AIG1: variants seen among roughly 807,000 people sequenced by gnomAD.
The protein encoded by AIG1 is androgen induced 1, also known as androgen-induced gene 1 protein.
AIG1 carries 23 observed loss-of-function variants against 31.4 expected under a neutral mutation model. The ratio of observed to expected loss-of-function variants is 0.73; its 90% CI spans 0.53 to 1.04. The LOEUF is 1.04. Among genes scored for constraint, AIG1 ranks in the 50% least tolerant of loss-of-function variants. The pLI is 0.00. For missense variants in AIG1, 274 were observed against 295.0 expected (o/e 0.93, Z 0.52); for synonymous variants, 100 against 110.5 (o/e 0.90, Z 0.60).
chr6:143,342,975 G>T, downstream of AIG1: 5 of 990,580 alleles, frequency 5.0e-6, no homozygotes, highest in South Asian at 6.4e-5. Flanking sequence ...GTCAAGAGCA[G>T]TTCATGGCAG....
At chr6:143,091,224 C>G (rs1779279641) in intron 1 of AIG1, among the ~76,000 whole-genome samples, 1 of 152,214 alleles carries the variant, frequency 6.6e-6, no homozygotes, top group African/African-American at 2.4e-5. Flanking sequence ...ATGTCTTGAA[C>G]TCCTCAAAAT....
intron 4 of AIG1, among the ~76,000 whole-genome samples, chr6:143,309,947 A>T (rs1775131205): frequency 6.6e-6 from 1 of 152,002 alleles, no homozygotes; most frequent in Admixed American, 6.6e-5. Flanking sequence ...CCAAGGGGAC[A>T]TAATCTTTAA....
rs1379336669 is a variant in AIG1, at chr6:143,314,331, G to T, written c.516-18951G>T. Among the ~76,000 whole-genome samples, 4 of 151,906 alleles carry T rather than the reference G, an allele frequency of 2.6e-5. No individual in the cohort carries two copies. The East Asian group carries it at 7.7e-4, about 29-fold the overall frequency. ...ATCCTACTACTACACTCCAGCCTGG[G>T]TGACAGAGTGAGATCCTGTAAGAAA... On this transcript the variant is annotated intron_variant, in intron 4 of 5. Coordinates refer to ENST00000357847, the MANE Select transcript of AIG1 (RefSeq NM_016108.4).
chr6:143,239,800 G>C (rs1583595814), intron 3 of AIG1, among the ~76,000 whole-genome samples: 1 of 152,198 alleles, frequency 6.6e-6, no homozygotes, highest in South Asian at 2.1e-4. Context: ...TGGCCTATGT[G>C]TTGGCCACAT....
In AIG1 at chr6:143,333,934, C is replaced by G. The variant is rs1045615185; in HGVS notation, c.679+489C>G. ...AGCTCTATCTAAGCAGTGTGTGATG[C>G]TCCGGCCACCTTGACTCACCAGTGG... is the stretch of plus-strand genomic sequence containing the variant. On this transcript the variant is annotated intron_variant, in intron 5 of 5. Transcript: ENST00000357847. The surrounding 1 kb of genome is among the most constrained non-coding windows in gnomAD (Gnocchi z 4.6). 2 of 786,864 alleles carry G rather than the reference C, an allele frequency of 2.5e-6. No homozygotes were observed. The highest frequency in any genetic ancestry group is 4.2e-6 in the Non-Finnish European group (2 of 479,264). 48.7% of individuals were successfully genotyped at this position (786,864 alleles called of 1,614,324 possible).
intron 5 of AIG1, among the ~76,000 whole-genome samples, chr6:143,337,038 G>A (rs1777542942): frequency 6.6e-6 from 1 of 152,198 alleles, no homozygotes; most frequent in South Asian, 2.1e-4. Flanking sequence ...TGTCCTCAGG[G>A]CTCACAGGGG....
At chr6:143,067,491 C>T (rs1041968531) in intron 1 of AIG1, among the ~76,000 whole-genome samples, 9 of 152,048 alleles carry the variant, frequency 5.9e-5, no homozygotes, top group East Asian at 3.9e-4. Context: ...TGTACCTGGA[C>T]GATACCATTT....
At chr6:143,132,003 A>T (rs915932872) in intron 1 of AIG1, among the ~76,000 whole-genome samples, 10 of 152,320 alleles carry the variant, frequency 6.6e-5, no homozygotes, top group Middle Eastern at 3.4e-3. Flanking sequence ...AACTAATATT[A>T]TACAACTTTA....
intron 3 of AIG1, chr6:143,190,228 C>A: frequency 2.0e-6 from 2 of 985,436 alleles, no homozygotes; most frequent in Non-Finnish European, 2.4e-6. Flanking sequence ...GAACATCAAC[C>A]ATAAGGAACA....
chr6:143,259,443 A>G (rs536592268), intron 3 of AIG1, among the ~76,000 whole-genome samples: 1 of 152,046 alleles, frequency 6.6e-6, no homozygotes, highest in African/African-American at 2.4e-5. Context: ...TTTCTCTACT[A>G]TGCATTGCGG....
Position 143,080,685 on chromosome 6 carries a change from G to A in AIG1, c.141+19619G>A, listed in dbSNP as rs56381249. Reference sequence around the variant, plus strand: ...CTACGATTCTAGTTACTTTCCTCACGGTTGTCGCCTGAAGAGCAGGCGCAG... The same window carrying A: ...CTACGATTCTAGTTACTTTCCTCACAGTTGTCGCCTGAAGAGCAGGCGCAG... On this transcript the variant is annotated intron_variant, in intron 1 of 5. Transcript: ENST00000357847. Among the ~76,000 whole-genome samples the A allele has an allele frequency of 2.5e-3, 374 of 152,174 alleles. 2 individuals are homozygous for A. The highest frequency in any genetic ancestry group is 8.7e-3 in the African/African-American group (360 of 41,520).
intron 3 of AIG1, among the ~76,000 whole-genome samples, chr6:143,182,104 T>C (rs1788783414): frequency 6.6e-6 from 1 of 152,170 alleles, no homozygotes; most frequent in Non-Finnish European, 1.5e-5. Context: ...TAGCTCACTT[T>C]AACCTCAAAC....
intron 3 of AIG1, among the ~76,000 whole-genome samples, chr6:143,169,715 G>C (rs1176549664): frequency 6.6e-6 from 1 of 152,010 alleles, no homozygotes; most frequent in African/African-American, 2.4e-5. Flanking sequence ...TTCAGCTTTT[G>C]TCTCTTTAGT....
At chr6:143,311,287 T>C (rs192915411) in intron 4 of AIG1, among the ~76,000 whole-genome samples, 1 of 151,898 alleles carries the variant, frequency 6.6e-6, no homozygotes, top group Admixed American at 6.5e-5. Context: ...TCTCAACATA[T>C]GGAAATGATA....
chr6:143,065,429 C>G (rs938048639), intron 1 of AIG1, among the ~76,000 whole-genome samples: 4 of 152,142 alleles, frequency 2.6e-5, no homozygotes, highest in Non-Finnish European at 5.9e-5. Context: ...AATATTAACA[C>G]TTTCTTAGTC....
At chr6:143,108,614 A>G (rs1288751159) in intron 1 of AIG1, among the ~76,000 whole-genome samples, 2 of 152,194 alleles carry the variant, frequency 1.3e-5, no homozygotes, top group Non-Finnish European at 2.9e-5. Context: ...TGAGGATATT[A>G]ACACTTGCCT....
In AIG1 at chr6:143,333,566, A is replaced by C; in HGVS notation, c.679+121A>C. 2.1e-6 allele frequency: 2 copies of C among 967,860 alleles called. No individual in the cohort carries two copies. The highest frequency in any genetic ancestry group is 2.9e-6 in the Non-Finnish European group (2 of 691,826). 60.0% of individuals were successfully genotyped at this position (967,860 alleles called of 1,614,324 possible). A position where few individuals can be genotyped will look rare whatever the true frequency, so the allele number is the denominator to read the frequency against. On this transcript the variant is annotated intron_variant, in intron 5 of 5. Coordinates refer to ENST00000357847, the MANE Select transcript of AIG1 (RefSeq NM_016108.4). This position sits in a 1 kb window ranked among gnomAD's most constrained non-coding sequence, Gnocchi z 4.6. ...TAGCCTTCACACAGGATCTCCTATA[A>C]AGAGCTCCATTTTTAAAACTACAAT...
chr6:143,125,852 T>G (rs1388306638), intron 1 of AIG1, among the ~76,000 whole-genome samples: 5 of 152,258 alleles, frequency 3.3e-5, no homozygotes, highest in Non-Finnish European at 1.5e-5. Flanking sequence ...GGAAAACTTA[T>G]GTTTTTTCCT....
At chr6:143,191,158 A>G (rs2128597205) in intron 3 of AIG1, among the ~76,000 whole-genome samples, 1 of 152,284 alleles carries the variant, frequency 6.6e-6, no homozygotes, top group South Asian at 2.1e-4. Flanking sequence ...CAAAGAGACA[A>G]ACCTGAGTTA....
Sources: gnomAD v4.1 joint callset for allele counts (sites outside exome capture counted in the v4.1 genomes callset) on GRCh38, gnomAD v4.1.1 for gene constraint, Gnocchi (gnomAD v3.1) non-coding constraint, MANE v1.5 for transcripts, NCBI Gene and HGNC (gene_info 2026-07-23, HGNC 2026-07-21) for gene names.